The following PPFIBP1 variants were observed in gnomAD, a reference collection of about 807,000 sequenced individuals.
The protein encoded by PPFIBP1 is PPFIB scaffold protein 1, also known as liprin-beta-1.
PPFIBP1 carries 112 observed loss-of-function variants against 137.8 expected under a neutral mutation model. That is an observed-to-expected ratio of 0.81 (90% CI 0.70 to 0.95). The LOEUF (loss-of-function observed/expected upper bound fraction) is 0.95. PPFIBP1 is among the 40% of genes least tolerant of loss of function. The probability of loss-of-function intolerance (pLI) is 0.00; values close to 1 mark genes in which losing one functional copy is unlikely to be tolerated. For synonymous variants in PPFIBP1, 378 were observed against 417.3 expected, an observed-to-expected ratio of 0.91 and a Z score of 1.15; for missense variants, 1,083 against 1,196.6, an observed-to-expected ratio of 0.91 and a Z score of 1.40.
At chr12:27,665,113 G>A (rs1273939031) in intron 12 of PPFIBP1, among the ~76,000 whole-genome samples, 27 of 152,106 alleles carry the variant, frequency 1.8e-4, no homozygotes, top group African/African-American at 5.8e-4. Context: ...GCCTGAACCC[G>A]GGAAGCGGAG....
chr12:27,647,601 G>A (rs943478486), intron 5 of PPFIBP1, 128 bp from the exon 6 acceptor site: 1 of 582,496 alleles, frequency 1.7e-6, no homozygotes, highest in Non-Finnish European at 3.0e-6. Context: ...GTACTTCTCA[G>A]ATTTTTTTTT....
At chr12:27,600,817 T>C (rs1225239951) in intron 2 of PPFIBP1, among the ~76,000 whole-genome samples, 1 of 152,194 alleles carries the variant, frequency 6.6e-6, no homozygotes, top group African/African-American at 2.4e-5. Context: ...ATGATTAAAA[T>C]TGTATTCTTT....
chr12:27,548,421 T>G (rs1309223733), intron 1 of PPFIBP1: 1 of 152,114 alleles, frequency 6.6e-6, no homozygotes, highest in Non-Finnish European at 1.5e-5. Context: ...GGATAATGAT[T>G]TAGGAGTTAA....
At chr12:27,608,215 A>G (rs1462513625) in intron 2 of PPFIBP1, among the ~76,000 whole-genome samples, 1 of 152,198 alleles carries the variant, frequency 6.6e-6, no homozygotes, top group Non-Finnish European at 1.5e-5. Context: ...TTCACAGCAT[A>G]ATGCATTTAG....
chr12:27,689,725 C>T (rs1182864304), intron 27 of PPFIBP1, among the ~76,000 whole-genome samples: 3 of 152,098 alleles, frequency 2.0e-5, no homozygotes, highest in African/African-American at 7.2e-5. Context: ...CTTGTGGGAC[C>T]CTCCCTTAAC....
intron 2 of PPFIBP1, among the ~76,000 whole-genome samples, chr12:27,588,063 C>T (rs755928930): frequency 1.3e-5 from 2 of 152,118 alleles, no homozygotes; most frequent in Non-Finnish European, 2.9e-5. Context: ...GGTAAAATAT[C>T]GTATAGTCTA....
intron 27 of PPFIBP1, among the ~76,000 whole-genome samples, chr12:27,691,511 T>A (rs1448198272): frequency 1.3e-5 from 2 of 152,226 alleles, no homozygotes; most frequent in East Asian, 1.9e-4. Context: ...TAAGGTTAAT[T>A]TCCTGAGATT....
chr12:27,691,094 C>G (rs1057410205), intron 27 of PPFIBP1, among the ~76,000 whole-genome samples: 2 of 148,750 alleles, frequency 1.3e-5, no homozygotes, highest in Non-Finnish European at 3.0e-5. Context: ...CTGATGTTTC[C>G]TCTCCAAAAA....
At position 27,689,114 on chromosome 12, in the gene PPFIBP1, C is replaced by A; in HGVS notation, c.2596C>A (p.Leu866Ile). ...AAGACATTTGGCCACTCATTTCAAC[C>A]TTCTGATTGGGGCTGAGGCACAGCA... ...LRRHLATHFN[L>I]LIGAEAQHQK... Residue 866 changes from leucine (L) to isoleucine (I), a missense_variant, in exon 27 of 30, where the codon CTT (leucine) becomes ATT (isoleucine). Coordinates refer to ENST00000228425, the MANE Select transcript of PPFIBP1 (RefSeq NM_003622.4). The A allele has an allele frequency of 2.5e-6, 4 of 1,610,198 alleles. No homozygotes were observed. The highest frequency in any genetic ancestry group is 3.4e-6 in the Non-Finnish European group (4 of 1,179,096).
At chr12:27,589,023 G>T (rs544104566) in intron 2 of PPFIBP1, among the ~76,000 whole-genome samples, 2 of 152,066 alleles carry the variant, frequency 1.3e-5, no homozygotes, top group East Asian at 1.9e-4. Context: ...AAAGCACAGC[G>T]TTGTTCTATT....
intron 1 of PPFIBP1, among the ~76,000 whole-genome samples, chr12:27,551,077 A>G (rs1368789525): frequency 1.3e-5 from 2 of 151,778 alleles, no homozygotes; most frequent in Non-Finnish European, 2.9e-5. Flanking sequence ...AAGATTAGTT[A>G]TGTGACCTTG....
chr12:27,642,796 T>C (rs1593069305), intron 4 of PPFIBP1, among the ~76,000 whole-genome samples: 1 of 151,304 alleles, frequency 6.6e-6, no homozygotes, highest in East Asian at 1.9e-4. Context: ...AAATGGAAAA[T>C]GATAAGTAGA....
chr12:27,682,785 T>TGTTTTCAGTGATTCCACCAGA (rs2060954822), intron 24 of PPFIBP1, 82 bp downstream of exon 24: 3 of 1,593,698 alleles, frequency 1.9e-6, no homozygotes, highest in Non-Finnish European at 2.6e-6. Flanking sequence ...CCAAACACAG[T>TGTTTTCAGTGATTCCACCAGA]GTTTTCAGTG....
chr12:27,570,026 T>C (rs1187756696), intron 1 of PPFIBP1, among the ~76,000 whole-genome samples: 1 of 152,228 alleles, frequency 6.6e-6, no homozygotes, highest in East Asian at 1.9e-4. Flanking sequence ...CAATTAGTTA[T>C]TGTTATTTAG....
At chr12:27,671,670 C>A in intron 14 of PPFIBP1, 124 bp downstream of exon 14, 1 of 578,436 alleles carries the variant, frequency 1.7e-6, no homozygotes, top group Non-Finnish European at 3.1e-6. Context: ...TGCAAGATGT[C>A]CACTGGGGGA....
At chr12:27,648,470 C>G (rs1385606528) in intron 6 of PPFIBP1, among the ~76,000 whole-genome samples, 3 of 152,086 alleles carry the variant, frequency 2.0e-5, no homozygotes, top group Non-Finnish European at 4.4e-5. Context: ...AATAGAGCTA[C>G]CATATGATCC....
At chr12:27,555,349 G>T (rs2136267748) in intron 1 of PPFIBP1, among the ~76,000 whole-genome samples, 1 of 152,302 alleles carries the variant, frequency 6.6e-6, no homozygotes, top group Middle Eastern at 3.4e-3. Context: ...AGCTGAAAAT[G>T]CTCTGGAGAT....
intron 1 of PPFIBP1, among the ~76,000 whole-genome samples, chr12:27,527,925 A>T (rs375312887): frequency 1.3e-5 from 2 of 152,120 alleles, no homozygotes; most frequent in East Asian, 3.9e-4. Context: ...TCTCATTTTG[A>T]TGCAGGGTAT....
intron 2 of PPFIBP1, among the ~76,000 whole-genome samples, chr12:27,625,419 G>A (rs1280912816): frequency 6.6e-6 from 1 of 151,800 alleles, no homozygotes; most frequent in Non-Finnish European, 1.5e-5. Context: ...TTATCCATGA[G>A]TATTTTGTAA....
Sources: gnomAD v4.1 joint callset for allele counts (sites outside exome capture counted in the v4.1 genomes callset) on GRCh38, gnomAD v4.1.1 for gene constraint, MANE v1.5 for transcripts, NCBI Gene and HGNC (gene_info 2026-07-23, HGNC 2026-07-21) for gene names.